Variants in DOCK7 observed in about 807,000 individuals in gnomAD.
DOCK7 encodes dedicator of cytokinesis 7, also known as dedicator of cytokinesis protein 7.
In DOCK7, 138 loss-of-function variants were observed where a neutral mutation model predicts 271.0. The ratio of observed to expected loss-of-function variants is 0.51; its 90% CI spans 0.44 to 0.59. The LOEUF (loss-of-function observed/expected upper bound fraction) is 0.59. Ranked by LOEUF, DOCK7 falls within the 20% of genes least tolerant of loss-of-function variation. The pLI is 0.00. For synonymous variants in DOCK7, 823 were observed against 876.1 expected (o/e 0.94, Z 1.07); for missense variants, 2,066 against 2,592.4 (o/e 0.80, Z 4.41).
At chr1:62,680,246 C>T (rs949904124) in intron 1 of DOCK7, among the ~76,000 whole-genome samples, 3 of 152,140 alleles carry the variant, frequency 2.0e-5, no homozygotes, top group African/African-American at 7.2e-5. Flanking sequence ...CATCTACAAC[C>T]ATCTGATCTT....
intron 31 of DOCK7, among the ~76,000 whole-genome samples, chr1:62,525,310 A>G (rs1004224920): frequency 1.3e-5 from 2 of 152,082 alleles, no homozygotes; most frequent in African/African-American, 4.8e-5. Context: ...TGCCTGGCCT[A>G]GATGGTAAAA....
rs766120987 is a variant in DOCK7, at chr1:62,539,762, C to T, written c.3176G>A (p.Arg1059Gln). ...VSTIASDIVS[R>Q]FQKDTEMVER... ...AAAAGTTATCATTACCTTCTGAAAT[C>T]GTGAAACTATATCACTAGCAATCGT... The change falls in exon 26 of 50, where the codon CGA (arginine) becomes CAA (glutamine). Residue 1059 changes from arginine (R) to glutamine (Q), a missense_variant. Around this residue, in one of 2 missense-constraint regions of DOCK7, gnomAD observed 1,414 missense variants for 1,670.4 expected, o/e 0.85. Transcript: ENST00000635253. 97 of 1,612,580 alleles carry T rather than the reference C, an allele frequency of 6.0e-5. No homozygotes were observed. Among genetic ancestry groups the T allele is most frequent in the Middle Eastern group, 1.6e-4 (1 of 6,072 alleles).
chr1:62,526,519 C>A (rs1444538198), intron 31 of DOCK7, among the ~76,000 whole-genome samples: 2 of 151,782 alleles, frequency 1.3e-5, no homozygotes, highest in East Asian at 3.9e-4. Context: ...GTTTAGAAGT[C>A]TCTAAAAATG....
At chr1:62,528,587 G>C (rs889558626) in intron 30 of DOCK7, among the ~76,000 whole-genome samples, 2 of 152,156 alleles carry the variant, frequency 1.3e-5, no homozygotes, top group East Asian at 3.8e-4. Context: ...ATACTTGAAA[G>C]ACTGCTCAAC....
At chr1:62,559,315 T>G in intron 19 of DOCK7, 95 bp from the exon 20 acceptor site, 1 of 839,240 alleles carries the variant, frequency 1.2e-6, no homozygotes, top group South Asian at 1.9e-5. Flanking sequence ...TCATATTACT[T>G]GATAACACTA....
chr1:62,485,438 A>C, intron 43 of DOCK7: 1 of 985,394 alleles, frequency 1.0e-6, no homozygotes, highest in Non-Finnish European at 1.2e-6. Context: ...ACATGTGACT[A>C]ATATATAAGC....
intron 37 of DOCK7, among the ~76,000 whole-genome samples, chr1:62,496,753 T>C (rs1022951757): frequency 1.3e-5 from 2 of 152,164 alleles, no homozygotes; most frequent in Non-Finnish European, 2.9e-5. Flanking sequence ...TCTGCTTATC[T>C]CTTTACATTT....
In DOCK7 at chr1:62,537,749, A is replaced by T. The variant is rs150047523; in HGVS notation, c.3471+142T>A. 323 of 712,100 alleles carry T rather than the reference A, an allele frequency of 4.5e-4. 3 individuals carry two copies. The East Asian group carries it at 5.0e-3, about 11-fold the overall frequency. 44.1% of individuals were successfully genotyped at this position (712,100 alleles called of 1,614,324 possible). ...CTTTTTAGAGTTATTCTGAGGATTA[A>T]ATGACTTTTAATACTTACAAAGCAC... On this transcript the variant is annotated intron_variant, in intron 28 of 49. Transcript: ENST00000635253.
chr1:62,581,273 C>T (rs900868002), intron 16 of DOCK7, among the ~76,000 whole-genome samples: 3 of 151,704 alleles, frequency 2.0e-5, no homozygotes, highest in Non-Finnish European at 4.4e-5. Flanking sequence ...CAAGAATGGC[C>T]CAGAAACAGG....
At chr1:62,609,397 T>C (rs929686092) in intron 14 of DOCK7, 2 of 152,200 alleles carry the variant, frequency 1.3e-5, no homozygotes, top group Non-Finnish European at 2.9e-5. Flanking sequence ...ACCTTGAAGA[T>C]GTAAGGTTGT....
intron 14 of DOCK7, among the ~76,000 whole-genome samples, chr1:62,593,055 T>C (rs761453022): frequency 2.6e-5 from 4 of 152,158 alleles, no homozygotes; most frequent in Non-Finnish European, 5.9e-5. Context: ...GTGGTAACTC[T>C]ATAGACATTC....
chr1:62,538,848 T>G (rs78812491), intron 27 of DOCK7, among the ~76,000 whole-genome samples: 389 of 152,244 alleles, frequency 2.6e-3, no homozygotes, highest in Non-Finnish European at 4.5e-3. Flanking sequence ...CACCATAAGT[T>G]TGAACTTCTC....
intron 16 of DOCK7, among the ~76,000 whole-genome samples, chr1:62,579,469 A>T (rs1028090686): frequency 6.6e-6 from 1 of 151,922 alleles, no homozygotes; most frequent in Non-Finnish European, 1.5e-5. Context: ...AGTGGCTCAC[A>T]CCTGTAATCC....
intron 1 of DOCK7, chr1:62,687,781 G>A (rs971276439): frequency 2.0e-5 from 3 of 152,812 alleles, no homozygotes; most frequent in African/African-American, 7.2e-5. Context: ...GGGTGGAGGA[G>A]GGCGGACCCC....
intron 14 of DOCK7, among the ~76,000 whole-genome samples, chr1:62,587,995 G>C (rs1215916322): frequency 2.6e-5 from 4 of 152,066 alleles, no homozygotes; most frequent in African/African-American, 9.7e-5. Context: ...TGCCATGCCA[G>C]AGGATGGGAA....
Position 62,454,968 on chromosome 1 carries a change from G to C in DOCK7, c.*446C>G. ...TGAGTCAACCCTTTAATTGTTCTCT[G>C]CCATTGTCAATAATAAAAATTTTGA... is the stretch of plus-strand genomic sequence containing the variant. On this transcript the variant is annotated 3_prime_UTR_variant, in exon 50 of 50. Transcript: ENST00000635253. The C allele has an allele frequency of 2.8e-6, 1 of 358,956 alleles. No homozygotes were observed. The highest frequency in any genetic ancestry group is 5.0e-6 in the Non-Finnish European group (1 of 201,384). 22.2% of individuals were successfully genotyped at this position (358,956 alleles called of 1,614,324 possible).
At position 62,616,800 on chromosome 1, in the gene DOCK7, A is replaced by G. The variant is rs1205837333; in HGVS notation, c.1682+1906T>C. On this transcript the variant is annotated intron_variant, in intron 14 of 49. Coordinates refer to ENST00000635253, the MANE Select transcript of DOCK7 (RefSeq NM_001367561.1). ...CCAGTGATAAAGAAAATAATTCAAA[A>G]AGTCTTAGGGCAAAATAAGACGCAA... Among the ~76,000 whole-genome samples the G allele has an allele frequency of 1.9e-4, 29 of 151,808 alleles. 2 individuals carry two copies. Among genetic ancestry groups the G allele is most frequent in the Admixed American group, 1.9e-3 (29 of 15,236 alleles).
At position 62,610,039 on chromosome 1, in the gene DOCK7, C is replaced by T. The variant is rs562518427; in HGVS notation, c.1682+8667G>A. Among the ~76,000 whole-genome samples, 5 of 152,124 alleles carry T rather than the reference C, an allele frequency of 3.3e-5. No homozygotes were observed. In the South Asian group the frequency reaches 6.2e-4, roughly 19 times the overall value. ...CTAATTTTTGTATTTTTAGTAGAGA[C>T]GGAGTTTCATCATGTTGGTCAGGCT... On this transcript the variant is annotated intron_variant, in intron 14 of 49. Coordinates refer to ENST00000635253, the MANE Select transcript of DOCK7 (RefSeq NM_001367561.1).
Position 62,688,347 on chromosome 1 carries a change from T to A in DOCK7, c.-83A>T. On this transcript the variant is annotated 5_prime_UTR_variant, in exon 1 of 50. Coordinates refer to ENST00000635253, the MANE Select transcript of DOCK7 (RefSeq NM_001367561.1). ...CGGGCGCGTGCCTCCTCGCTCGTGC[T>A]CCCTCCCTCGCGGCCTCCGCCAGTC... 1.0e-6 allele frequency: 1 copy of A among 958,502 alleles called. No individual in the cohort carries two copies. Among genetic ancestry groups the A allele is most frequent in the Non-Finnish European group, 1.3e-6 (1 of 757,214 alleles). The allele number at this position is 958,502 out of a possible 1,614,324, so 59.4% of individuals were successfully genotyped here.
Sources: gnomAD v4.1 joint callset for allele counts (sites outside exome capture counted in the v4.1 genomes callset) on GRCh38, gnomAD v4.1.1 for gene constraint, gnomAD v4.1.1 regional missense constraint, MANE v1.5 for transcripts, NCBI Gene and HGNC (gene_info 2026-07-23, HGNC 2026-07-21) for gene names.